The following SCAI variants were observed in gnomAD, a reference collection of about 807,000 sequenced individuals.
SCAI encodes the protein protein SCAI.
SCAI carries 24 observed loss-of-function variants against 92.2 expected under a neutral mutation model. That is an observed-to-expected ratio of 0.26 (90% confidence interval 0.19 to 0.37). The LOEUF (loss-of-function observed/expected upper bound fraction) is 0.37, where lower values mean the gene tolerates loss of function less well. Among genes scored for constraint, SCAI ranks in the 10% least tolerant of loss-of-function variants. The probability of loss-of-function intolerance (pLI) is 1.00; values close to 1 mark genes in which losing one functional copy is unlikely to be tolerated. For missense variants in SCAI, 450 were observed against 736.2 expected, an observed-to-expected ratio of 0.61 and a Z score of 4.50; for synonymous variants, 261 against 258.6, an observed-to-expected ratio of 1.01 and a Z score of -0.09.
chr9:125,142,027 C>A (rs1382938155), intron 2 of SCAI, among the ~76,000 whole-genome samples: 1 of 152,178 alleles, frequency 6.6e-6, no homozygotes, highest in African/African-American at 2.4e-5. Context: ...ACTTCCTGGG[C>A]TCAAGCAATC....
intron 14 of SCAI, among the ~76,000 whole-genome samples, chr9:124,994,263 G>A (rs1832193607): frequency 6.6e-6 from 1 of 152,124 alleles, no homozygotes; most frequent in Admixed American, 6.6e-5. Context: ...TCGAACTCCT[G>A]ACCTCAGGTA....
intron 17 of SCAI, among the ~76,000 whole-genome samples, chr9:124,961,289 CAT>C (rs1189480808): frequency 6.7e-6 from 1 of 148,524 alleles, no homozygotes; most frequent in African/African-American, 2.5e-5. Flanking sequence ...AAAAAGTAAA[CAT>C]ATTACATATA....
At chr9:125,009,412 G>T (rs796414999) in intron 9 of SCAI, among the ~76,000 whole-genome samples, 95 of 152,212 alleles carry the variant, frequency 6.2e-4, no homozygotes, top group African/African-American at 2.1e-3. Flanking sequence ...TGGAATTATA[G>T]GCACATGCCA....
chr9:125,095,404 T>C lies in SCAI; in HGVS notation c.99-39397A>G, dbSNP rs568231896. Among the ~76,000 whole-genome samples, 24 of 152,322 alleles carry C rather than the reference T, an allele frequency of 1.6e-4. No homozygotes were observed. The South Asian group carries it at 4.8e-3, about 30-fold the overall frequency. ...TCTGGAGCCCCTAACCTGTGATAGT[T>C]AAGACAAAAAATACATGCTTATTAA... On this transcript the variant is annotated intron_variant, in intron 2 of 17. Coordinates refer to ENST00000336505, the MANE Select transcript of SCAI (RefSeq NM_001144877.3).
chr9:125,080,895 C>T (rs758559011), intron 2 of SCAI, among the ~76,000 whole-genome samples: 2 of 152,290 alleles, frequency 1.3e-5, no homozygotes, highest in Non-Finnish European at 2.9e-5. Flanking sequence ...AAATGAATCA[C>T]GGGGACAAGT....
chr9:125,079,592 T>G (rs1340707674), intron 2 of SCAI, among the ~76,000 whole-genome samples: 1 of 152,182 alleles, frequency 6.6e-6, no homozygotes, highest in East Asian at 1.9e-4. Context: ...GGTTTTTTTT[T>G]AACCTACCTT....
At chr9:125,090,841 G>A (rs920473143) in intron 2 of SCAI, among the ~76,000 whole-genome samples, 2 of 152,100 alleles carry the variant, frequency 1.3e-5, no homozygotes, top group African/African-American at 4.8e-5. Flanking sequence ...TAGGTTAGCT[G>A]GGCACGGTGG....
At position 125,136,023 on chromosome 9, in the gene SCAI, A is replaced by C. The variant is rs115990959; in HGVS notation, c.98+6610T>G. On this transcript the variant is annotated intron_variant, in intron 2 of 17. Coordinates refer to ENST00000336505, the MANE Select transcript of SCAI (RefSeq NM_001144877.3). ...CATAATTCTGTCAACTGTTTTCTAA[A>C]ATGTACTACATATGTAATATAACTG... 3.4e-3 allele frequency among the ~76,000 whole-genome samples: 520 copies of C among 152,138 alleles called. 3 individuals are homozygous for C. Among genetic ancestry groups the C allele is most frequent in the African/African-American group, 0.012 (484 of 41,508 alleles).
chr9:125,028,406 T>C lies in SCAI; in HGVS notation c.399A>G (p.Leu133=), dbSNP rs552116966. 6.2e-4 allele frequency: 976 copies of C among 1,585,120 alleles called. 19 individuals are homozygous for C. In the South Asian group the frequency reaches 0.01, roughly 17 times the overall value. Residue 133 remains leucine, a synonymous_variant, in exon 5 of 18, where the codon CTA becomes CTG. Coordinates refer to ENST00000336505, the MANE Select transcript of SCAI (RefSeq NM_001144877.3). ...AATTTACTTACTAATAATGATAGTA[T>C]AGCTGCCCAATCTTGGAAGCAATTT... ...IGEIASKIGQ[L]YYHYYLRTSE... is the part of the protein sequence containing the mutation.
intron 3 of SCAI, among the ~76,000 whole-genome samples, chr9:125,041,553 T>A (rs1833318359): frequency 6.6e-6 from 1 of 152,130 alleles, no homozygotes; most frequent in African/African-American, 2.4e-5. Context: ...CAGTAATACA[T>A]CCTGTTAAGG....
intron 2 of SCAI, among the ~76,000 whole-genome samples, chr9:125,079,650 A>T (rs1231850832): frequency 1.3e-5 from 2 of 152,150 alleles, no homozygotes; most frequent in East Asian, 3.8e-4. Flanking sequence ...GAGTCTGTAA[A>T]TGACACTACT....
At chr9:125,084,701 T>A (rs1248396248) in intron 2 of SCAI, among the ~76,000 whole-genome samples, 1 of 152,188 alleles carries the variant, frequency 6.6e-6, no homozygotes, top group Non-Finnish European at 1.5e-5. Context: ...GAATGCATTG[T>A]GTCTACAATC....
At chr9:124,968,980 T>C (rs1831599267) in intron 17 of SCAI, 1 of 373,160 alleles carries the variant, frequency 2.7e-6, no homozygotes, top group African/African-American at 2.1e-5. Flanking sequence ...TAAGTGGAAC[T>C]GCACAGTTGG....
At chr9:125,075,197 C>T (rs952785656) in intron 2 of SCAI, among the ~76,000 whole-genome samples, 3 of 152,126 alleles carry the variant, frequency 2.0e-5, no homozygotes, top group African/African-American at 7.2e-5. Context: ...CTACTCCTAA[C>T]AATTCATTCA....
In SCAI at chr9:125,002,001, T is replaced by A. The variant is rs867788647; in HGVS notation, c.1108A>T (p.Thr370Ser). The change falls in exon 12 of 18, where the codon ACT becomes TCT. Residue 370 changes from threonine to serine, a missense_variant. Physicochemically the swap from Thr to Ser is moderately conservative, Grantham distance 58 (BLOSUM62 1). This residue lies in a region of SCAI where 360 missense variants were observed against 601.8 expected (regional missense o/e 0.60). Coordinates refer to ENST00000336505, the MANE Select transcript of SCAI (RefSeq NM_001144877.3). Reference protein sequence around the residue: ...NSVLLIYLSATGVFPTGRSDS... With the variant: ...NSVLLIYLSASGVFPTGRSDS... ...GAACGACCTGTGGGGAAAACGCCAG[T>A]GGCCGACAGGTAAATCAGAAGCACG... The A allele has an allele frequency of 6.2e-7, 1 of 1,613,792 alleles. No individual in the cohort carries two copies. The highest frequency in any genetic ancestry group is 1.3e-5 in the African/African-American group (1 of 74,924).
chr9:125,084,150 GGCT>G (rs1366190104), intron 2 of SCAI, among the ~76,000 whole-genome samples: 23 of 141,570 alleles, frequency 1.6e-4, no homozygotes, highest in Non-Finnish European at 3.0e-4. Context: ...CAGGACTCTT[GGCT>G]GCTGCTTTTT....
At chr9:125,032,195 A>ATATATATATATATAT (rs1177865840) in intron 3 of SCAI, among the ~76,000 whole-genome samples, 1 of 99,476 alleles carries the variant, frequency 1.0e-5, no homozygotes, top group East Asian at 3.3e-4. Context: ...ATATATATAT[A>ATATATATATATATAT]TTTTTTTTTT....
chr9:125,136,769 CTTTT>C (rs796469701), intron 2 of SCAI, among the ~76,000 whole-genome samples: 1 of 118,964 alleles, frequency 8.4e-6, no homozygotes. Flanking sequence ...ACTAATACCA[CTTTT>C]TTTTTTTTTT....
At chr9:125,054,509 T>C (rs1833625116) in intron 3 of SCAI, among the ~76,000 whole-genome samples, 1 of 151,714 alleles carries the variant, frequency 6.6e-6, no homozygotes, top group Non-Finnish European at 1.5e-5. Context: ...CAATTAAATG[T>C]TGAAGAAAAA....
Sources: allele counts gnomAD v4.1 joint callset (sites outside exome capture counted in the v4.1 genomes callset), GRCh38; gene constraint gnomAD v4.1.1; regional missense constraint gnomAD v4.1.1; transcripts MANE v1.5; gene names NCBI Gene and HGNC (gene_info 2026-07-23, HGNC 2026-07-21).